The following KATNIP variants were observed in gnomAD, a reference collection of about 807,000 sequenced individuals.
KATNIP encodes the protein katanin interacting protein, also known as katanin-interacting protein.
Under a neutral mutation model 174.0 loss-of-function variants are expected in KATNIP, and 126 were observed. The ratio of observed to expected loss-of-function variants is 0.72; its 90% confidence interval spans 0.63 to 0.84. KATNIP has a LOEUF of 0.84. Ranked by LOEUF, KATNIP falls within the 40% of genes least tolerant of loss-of-function variation. The probability of loss-of-function intolerance (pLI) is 0.00; values close to 1 mark genes in which losing one functional copy is unlikely to be tolerated. For missense variants in KATNIP, 1,958 were observed against 2,109.7 expected (o/e 0.93, Z 1.41); for synonymous variants, 810 against 835.7 (o/e 0.97, Z 0.53).
chr16:27,681,759 C>A (rs1230929849), intron 8 of KATNIP, among the ~76,000 whole-genome samples: 1 of 152,142 alleles, frequency 6.6e-6, no homozygotes, highest in Non-Finnish European at 1.5e-5. Context: ...TGTGGAGGAG[C>A]GAGTGCGCTG....
At chr16:27,559,525 T>C (rs1255134898) in intron 1 of KATNIP, among the ~76,000 whole-genome samples, 1 of 150,452 alleles carries the variant, frequency 6.6e-6, no homozygotes, top group Non-Finnish European at 1.5e-5. Context: ...CTACAAAAAA[T>C]TGTTAAAAAT....
At chr16:27,693,198 T>C (rs546067988) in intron 8 of KATNIP, among the ~76,000 whole-genome samples, 6 of 152,186 alleles carry the variant, frequency 3.9e-5, no homozygotes, top group African/African-American at 1.4e-4. Context: ...CCATGTTTGC[T>C]TTACTTTCTC....
chr16:27,677,994 A>G lies in KATNIP; in HGVS notation c.806A>G (p.Lys269Arg), dbSNP rs1459022357. The change falls in exon 7 of 28, where the codon AAA becomes AGA. Residue 269 changes from lysine to arginine, a missense_variant and splice_region_variant. By Grantham distance (26) the Lys-to-Arg change is conservative. Around this residue, in one of 3 missense-constraint regions of KATNIP, gnomAD observed 1,557 missense variants for 1,617.8 expected, o/e 0.96. Coordinates refer to ENST00000261588, the MANE Select transcript of KATNIP (RefSeq NM_015202.5). ...GTGCTGGAATTTAACCCAGCTTCCA[A>G]AAGTGAGCTCTGTCTTGTATATCAT... is the stretch of plus-strand genomic sequence containing the variant. ...LVVLEFNPASKSHKRERNLSA... is the reference protein window; with the variant it reads ...LVVLEFNPASRSHKRERNLSA... 1 of 1,613,534 alleles carries G rather than the reference A, an allele frequency of 6.2e-7. No individual in the cohort carries two copies. Among genetic ancestry groups the G allele is most frequent in the African/African-American group, 1.3e-5 (1 of 74,924 alleles).
chr16:27,696,118 G>A (rs1279717491), intron 8 of KATNIP, among the ~76,000 whole-genome samples: 1 of 152,064 alleles, frequency 6.6e-6, no homozygotes, highest in Non-Finnish European at 1.5e-5. Flanking sequence ...CCATTCATGG[G>A]AACTTCCAGA....
intron 2 of KATNIP, among the ~76,000 whole-genome samples, chr16:27,604,194 G>A (rs141147373): frequency 3.5e-4 from 54 of 152,216 alleles, no homozygotes; most frequent in African/African-American, 1.2e-3. Context: ...AATCTCCTGG[G>A]CTCAAGCGAT....
At chr16:27,553,069 C>A (rs2089459216) in intron 1 of KATNIP, among the ~76,000 whole-genome samples, 1 of 152,220 alleles carries the variant, frequency 6.6e-6, no homozygotes, top group East Asian at 1.9e-4. Flanking sequence ...TACTGTGTTA[C>A]ATTAAAATCC....
In KATNIP at chr16:27,768,878, G is replaced by T. The variant is rs537602013; in HGVS notation, c.3976-983G>T. On this transcript the variant is annotated intron_variant, in intron 20 of 27. Coordinates refer to ENST00000261588, the MANE Select transcript of KATNIP (RefSeq NM_015202.5). ...GGAGCGCCTCTGCCTCTCCCTAGAG[G>T]AAAGGCACCAGTTGGATCAACAGCT... Among the ~76,000 whole-genome samples, 4 of 152,356 alleles carry T rather than the reference G, an allele frequency of 2.6e-5. No homozygotes were observed. The South Asian group carries it at 8.3e-4, about 32-fold the overall frequency.
At chr16:27,643,041 A>C (rs1162201372) in intron 5 of KATNIP, among the ~76,000 whole-genome samples, 2 of 152,218 alleles carry the variant, frequency 1.3e-5, no homozygotes, top group African/African-American at 4.8e-5. Context: ...ATAAAGTGTT[A>C]CTGGAACACA....
Position 27,698,275 on chromosome 16 carries a change from C to T in KATNIP, c.941-53C>T, listed in dbSNP as rs556672143. The T allele has an allele frequency of 1.2e-5, 18 of 1,541,572 alleles. No individual in the cohort carries two copies. The South Asian group carries it at 2.0e-4, about 17-fold the overall frequency. ...CAATTGGGGTCTAATGGGTTGTGAG[C>T]TGCACTCCGAGAATATAATCTAAAA... On this transcript the variant is annotated intron_variant, in intron 8 of 27. Coordinates refer to ENST00000261588, the MANE Select transcript of KATNIP (RefSeq NM_015202.5).
At chr16:27,622,746 C>G (rs1442172894) in intron 3 of KATNIP, among the ~76,000 whole-genome samples, 2 of 152,126 alleles carry the variant, frequency 1.3e-5, no homozygotes, top group African/African-American at 4.8e-5. Flanking sequence ...AAGGAGAGAA[C>G]CAGCATCACT....
chr16:27,652,101 G>A (rs900361204), intron 6 of KATNIP, among the ~76,000 whole-genome samples: 1 of 152,284 alleles, frequency 6.6e-6, no homozygotes, highest in Non-Finnish European at 1.5e-5. Context: ...GTGCTCCAGT[G>A]TACCACCATC....
chr16:27,656,419 G>GAAAAAAAAAAAAA (rs927275425), intron 6 of KATNIP, among the ~76,000 whole-genome samples: 2 of 34,402 alleles, frequency 5.8e-5, no homozygotes, highest in African/African-American at 9.6e-5. Context: ...CTCTGTCTCA[G>GAAAAAAAAAAAAA]AAAAAAAAAA....
Position 27,767,900 on chromosome 16 carries a change from A to G in KATNIP, c.3975+1426A>G, listed in dbSNP as rs2082176853. 3.9e-5 allele frequency among the ~76,000 whole-genome samples: 6 copies of G among 152,144 alleles called. 1 individual carries two copies. Among genetic ancestry groups the G allele is most frequent in the Admixed American group, 2.6e-4 (4 of 15,270 alleles). On this transcript the variant is annotated intron_variant, in intron 20 of 27. Coordinates refer to ENST00000261588, the MANE Select transcript of KATNIP (RefSeq NM_015202.5). ...TCAACACATTGAAGAAGTCAGATAT[A>G]TTGACATTAAAAAACAGCCTTCTGC...
intron 2 of KATNIP, among the ~76,000 whole-genome samples, chr16:27,611,703 A>G (rs2075897301): frequency 1.3e-5 from 2 of 152,156 alleles, no homozygotes; most frequent in Admixed American, 6.5e-5. Flanking sequence ...GGTAGACCTT[A>G]TTGGTATCCC....
intron 2 of KATNIP, among the ~76,000 whole-genome samples, chr16:27,605,200 T>C (rs983742411): frequency 7.2e-5 from 11 of 152,220 alleles, no homozygotes; most frequent in African/African-American, 2.7e-4. Flanking sequence ...CCCAAAGTGC[T>C]GGGATTACAG....
At position 27,740,279 on chromosome 16, in the gene KATNIP, C is replaced by A; in HGVS notation, c.1982C>A (p.Pro661Gln). The A allele has an allele frequency of 6.2e-7, 1 of 1,614,190 alleles. No homozygotes were observed. Among genetic ancestry groups the A allele is most frequent in the Non-Finnish European group, 8.5e-7 (1 of 1,180,040 alleles). Residue 661 changes from proline to glutamine, a missense_variant, in exon 15 of 28, where the codon CCG becomes CAG. Physicochemically the swap from Pro to Gln is moderately conservative, Grantham distance 76. Coordinates refer to ENST00000261588, the MANE Select transcript of KATNIP (RefSeq NM_015202.5). The stretch of plus-strand genomic sequence containing the variant: ...AAGGAGCTTGGTCTCGGTTGCTCAC[C>A]GCCAGCTGAAACATTAGCGGATGCA... ...GDKELGLGCS[P>Q]PAETLADAKL... is the part of the protein sequence containing the mutation.
chr16:27,629,246 A>G (rs1047430947), intron 4 of KATNIP, among the ~76,000 whole-genome samples: 2 of 152,056 alleles, frequency 1.3e-5, no homozygotes, highest in Non-Finnish European at 1.5e-5. Context: ...CTACACCCGC[A>G]TGGCCAGAAA....
At chr16:27,649,015 G>T (rs1385933030) in intron 6 of KATNIP, among the ~76,000 whole-genome samples, 1 of 152,226 alleles carries the variant, frequency 6.6e-6, no homozygotes, top group African/African-American at 2.4e-5. Context: ...ATGCAGAGAG[G>T]TTGGGGCAGA....
At chr16:27,733,200 G>A (rs929118363) in intron 14 of KATNIP, among the ~76,000 whole-genome samples, 14 of 152,214 alleles carry the variant, frequency 9.2e-5, no homozygotes, top group Non-Finnish European at 2.1e-4. Context: ...GAACCGTGCC[G>A]CCATGAATCT....
Sources: allele counts gnomAD v4.1 joint callset (sites outside exome capture counted in the v4.1 genomes callset), GRCh38; gene constraint gnomAD v4.1.1; regional missense constraint gnomAD v4.1.1; transcripts MANE v1.5; gene names NCBI Gene and HGNC (gene_info 2026-07-23, HGNC 2026-07-21).